The following LRRC4C variants were observed in gnomAD, a reference collection of about 807,000 sequenced individuals.
LRRC4C encodes leucine-rich repeat-containing protein 4C.
A neutral mutation model predicts 33.6 loss-of-function variants in LRRC4C; 5 were observed. The observed-to-expected ratio is 0.15, with a 90% CI of 0.08 to 0.31. The LOEUF (loss-of-function observed/expected upper bound fraction) is 0.31, where lower values mean the gene tolerates loss of function less well. LRRC4C is among the 10% of genes least tolerant of loss of function. The pLI is 1.00. For synonymous variants in LRRC4C, 329 were observed against 302.0 expected (o/e 1.09, Z -0.93); for missense variants, 560 against 796.7 (o/e 0.70, Z 3.58).
At chr11:40,232,737 C>T (rs1456442425) in intron 5 of LRRC4C, among the ~76,000 whole-genome samples, 1 of 152,134 alleles carries the variant, frequency 6.6e-6, no homozygotes, top group African/African-American at 2.4e-5. Flanking sequence ...TAAATATCAT[C>T]CCTCCTCTCA....
chr11:41,016,003 A>C (rs74428199), intron 1 of LRRC4C, among the ~76,000 whole-genome samples: 6,010 of 152,236 alleles, frequency 0.039, 136 homozygotes, highest in African/African-American at 0.075. Context: ...CCGTCTCAAA[A>C]AACAACAACA....
At chr11:40,391,638 C>T (rs1555043357) in intron 3 of LRRC4C, among the ~76,000 whole-genome samples, 1 of 152,180 alleles carries the variant, frequency 6.6e-6, no homozygotes, top group Non-Finnish European at 1.5e-5. Context: ...AGTATTTCCG[C>T]TGCAAGCCAA....
intron 1 of LRRC4C, among the ~76,000 whole-genome samples, chr11:41,308,774 C>G (rs985498680): frequency 9.4e-4 from 142 of 151,702 alleles, no homozygotes; most frequent in African/African-American, 3.3e-3. Flanking sequence ...GCAAACAGTG[C>G]AGGAAACCCC....
chr11:40,133,678 C>T (rs2134852284), intron 6 of LRRC4C, among the ~76,000 whole-genome samples: 2 of 152,270 alleles, frequency 1.3e-5, no homozygotes, highest in East Asian at 3.9e-4. Context: ...CCATTGCCAA[C>T]ATGCTCCACT....
intron 1 of LRRC4C, among the ~76,000 whole-genome samples, chr11:41,281,003 TC>T (rs899336454): frequency 6.6e-6 from 1 of 150,990 alleles, no homozygotes; most frequent in African/African-American, 2.4e-5. Context: ...AGTATTTTTT[TC>T]CATCTTATTT....
intron 1 of LRRC4C, among the ~76,000 whole-genome samples, chr11:41,281,290 T>C (rs188280326): frequency 4.5e-4 from 69 of 152,230 alleles, no homozygotes; most frequent in Admixed American, 2.2e-3. Flanking sequence ...ATAGTAAATT[T>C]CTGCCCGCAT....
intron 1 of LRRC4C, among the ~76,000 whole-genome samples, chr11:41,019,051 T>G (rs528000150): frequency 1.3e-5 from 2 of 152,260 alleles, no homozygotes; most frequent in African/African-American, 4.8e-5. Context: ...GTTTTTTATT[T>G]CCTTATGTCT....
chr11:41,094,508 A>T (rs947918189), intron 1 of LRRC4C, among the ~76,000 whole-genome samples: 4 of 152,196 alleles, frequency 2.6e-5, no homozygotes, highest in Non-Finnish European at 4.4e-5. Context: ...TGGACAACAC[A>T]GCGAGACTCT....
chr11:40,829,439 A>G (rs944108307), intron 2 of LRRC4C, among the ~76,000 whole-genome samples: 2 of 152,008 alleles, frequency 1.3e-5, no homozygotes, highest in Non-Finnish European at 2.9e-5. Context: ...AGAGTCACTT[A>G]GGAATATTAG....
At chr11:40,543,563 C>T (rs913264843) in intron 3 of LRRC4C, among the ~76,000 whole-genome samples, 9 of 151,914 alleles carry the variant, frequency 5.9e-5, no homozygotes, top group Non-Finnish European at 1.2e-4. Flanking sequence ...TAAAGGGGGT[C>T]GTAGAGCATT....
intron 1 of LRRC4C, among the ~76,000 whole-genome samples, chr11:41,189,923 G>T (rs1216115753): frequency 6.6e-6 from 1 of 152,178 alleles, no homozygotes; most frequent in Non-Finnish European, 1.5e-5. Flanking sequence ...ATGGCTCTAG[G>T]ATTCAATGTG....
At chr11:41,158,506 C>T (rs529267918) in intron 1 of LRRC4C, among the ~76,000 whole-genome samples, 150 of 152,202 alleles carry the variant, frequency 9.9e-4, no homozygotes, top group African/African-American at 3.4e-3. Context: ...CAGGCAAGTG[C>T]TATTAACTCA....
At chr11:40,593,618 G>A (rs1282309156) in intron 3 of LRRC4C, among the ~76,000 whole-genome samples, 1 of 152,140 alleles carries the variant, frequency 6.6e-6, no homozygotes, top group African/African-American at 2.4e-5. Context: ...CAGCTGCTAT[G>A]TAACTCTAAA....
chr11:40,441,660 T>G lies in LRRC4C; in HGVS notation c.-269-121939A>C, dbSNP rs1951401432. Among the ~76,000 whole-genome samples the G allele has an allele frequency of 2.6e-5, 4 of 152,296 alleles. No individual in the cohort carries two copies. In the South Asian group the frequency reaches 6.2e-4, roughly 24 times the overall value. On this transcript the variant is annotated intron_variant, in intron 3 of 6. Coordinates refer to ENST00000528697, the MANE Select transcript of LRRC4C (RefSeq NM_001258419.2). ...AAATCTGGAGTCAGAATACCTCATT[T>G]CAAAATGGTAGTCTTTCAATTATCT...
chr11:40,308,519 A>G (rs1282853804), intron 4 of LRRC4C, among the ~76,000 whole-genome samples: 2 of 152,214 alleles, frequency 1.3e-5, no homozygotes, highest in Non-Finnish European at 2.9e-5. Context: ...ATGGGAGATT[A>G]TCCTGGATGA....
At chr11:40,804,443 G>A (rs1467972630) in intron 2 of LRRC4C, among the ~76,000 whole-genome samples, 1 of 152,168 alleles carries the variant, frequency 6.6e-6, no homozygotes, top group East Asian at 1.9e-4. Context: ...TCCCTGGGAT[G>A]TGCACCACCT....
intron 1 of LRRC4C, among the ~76,000 whole-genome samples, chr11:41,432,273 A>C (rs1456542922): frequency 6.6e-6 from 1 of 152,170 alleles, no homozygotes; most frequent in East Asian, 1.9e-4. Context: ...GGCAGTGGAA[A>C]CTTTAGCTTA....
chr11:40,399,458 T>C (rs1210370117), intron 3 of LRRC4C, among the ~76,000 whole-genome samples: 1 of 151,460 alleles, frequency 6.6e-6, no homozygotes, highest in African/African-American at 2.4e-5. Flanking sequence ...CCGCATGTTC[T>C]CACTCATAGG....
intron 3 of LRRC4C, among the ~76,000 whole-genome samples, chr11:40,583,587 A>ACC (rs1051271333): frequency 6.6e-6 from 1 of 152,064 alleles, no homozygotes; most frequent in Admixed American, 6.5e-5. Context: ...ATTCAGACTT[A>ACC]CCCCAACTCA....
Sources: allele counts gnomAD v4.1 joint callset (sites outside exome capture counted in the v4.1 genomes callset), GRCh38; gene constraint gnomAD v4.1.1; transcripts MANE v1.5; gene names NCBI Gene and HGNC (gene_info 2026-07-23, HGNC 2026-07-21).